Variants in PCDHGB5 observed in about 807,000 individuals in gnomAD.
PCDHGB5 encodes protocadherin gamma subfamily B, 5.
PCDHGB5 carries 48 observed loss-of-function variants against 62.9 expected under a neutral mutation model. That is an observed-to-expected ratio of 0.76 (90% CI 0.61 to 0.97). The LOEUF (loss-of-function observed/expected upper bound fraction) is 0.97, where lower values mean the gene tolerates loss of function less well. Ranked by LOEUF, PCDHGB5 falls within the 50% of genes least tolerant of loss-of-function variation. The probability of loss-of-function intolerance (pLI) is 0.00; values close to 1 mark genes in which losing one functional copy is unlikely to be tolerated. For synonymous variants in PCDHGB5, 474 were observed against 511.2 expected (o/e 0.93, Z 0.98); for missense variants, 1,118 against 1,198.6 (o/e 0.93, Z 0.99).
Position 141,422,444 on chromosome 5 carries a change from T to TA in PCDHGB5, c.2397+21922dup, listed in dbSNP as rs1171104340. 1.9e-6 allele frequency: 3 copies of TA among 1,610,490 alleles called. No homozygotes were observed. The Admixed American group carries it at 5.1e-5, about 27-fold the overall frequency. ...ACTTATGGAAATTATTACAAATTGA[T>TA]AACAAGCAGAGTGCTGGACAGGGAG... On this transcript the variant is annotated intron_variant, in intron 1 of 3. Coordinates refer to ENST00000617380, the MANE Select transcript of PCDHGB5 (RefSeq NM_018925.3).
At chr5:141,483,076 C>A (rs964178941) in intron 1 of PCDHGB5, among the ~76,000 whole-genome samples, 8 of 152,044 alleles carry the variant, frequency 5.3e-5, no homozygotes, top group Non-Finnish European at 8.8e-5. Context: ...CAGAGAGAGA[C>A]TCCATCTCAA....
rs374857095 is a variant in PCDHGB5, at chr5:141,409,142, A to G, written c.2397+8618A>G. 6 of 1,613,904 alleles carry G rather than the reference A, an allele frequency of 3.7e-6. No individual in the cohort carries two copies. In the African/African-American group the frequency reaches 6.7e-5, roughly 18 times the overall value. ...GTCATTTGATTTTGAAGATGTAGAA[A>G]GGTACACCATGGAAGTGGAAGCGAA... is the stretch of plus-strand genomic sequence containing the variant. On this transcript the variant is annotated intron_variant, in intron 1 of 3. Coordinates refer to ENST00000617380, the MANE Select transcript of PCDHGB5 (RefSeq NM_018925.3).
chr5:141,454,101 A>T (rs2098781558), intron 1 of PCDHGB5, among the ~76,000 whole-genome samples: 1 of 152,256 alleles, frequency 6.6e-6, no homozygotes. Flanking sequence ...ATTGAACATA[A>T]ATGGAGTTAT....
chr5:141,416,828 C>T (rs1014962852), intron 1 of PCDHGB5: 2 of 152,042 alleles, frequency 1.3e-5, no homozygotes, highest in African/African-American at 4.8e-5. Context: ...CGAAGTTTCT[C>T]AAGACCCTTA....
intron 1 of PCDHGB5, chr5:141,423,111 T>C (rs1394665462): frequency 3.1e-6 from 5 of 1,613,718 alleles, no homozygotes; most frequent in South Asian, 1.1e-5. Flanking sequence ...GCGAGGTGCG[T>C]ACAGCGCGGG....
In PCDHGB5 at chr5:141,400,208, T is replaced by G; in HGVS notation, c.2081T>G (p.Leu694Trp). Residue 694 changes from leucine (L) to tryptophan (W), a missense_variant, in exon 1 of 4, where the codon TTG becomes TGG. Physicochemically the swap from Leu to Trp is moderately conservative, Grantham distance 61. Around this residue, in one of 2 missense-constraint regions of PCDHGB5, gnomAD observed 1,034 missense variants for 1,029.1 expected, o/e 1.00. Transcript: ENST00000617380. ...TTTTACCTAGTGGTGGCCTTGGCCT[T>G]GATCTCAGTGCTCTTCCTCCTGGCC... ...LQFYLVVALA[L>W]ISVLFLLAVI... The G allele has an allele frequency of 6.2e-7, 1 of 1,614,042 alleles. No individual in the cohort carries two copies. Among genetic ancestry groups the G allele is most frequent in the South Asian group, 1.1e-5 (1 of 91,088 alleles).
chr5:141,499,073 G>T (rs2099789305), intron 2 of PCDHGB5, among the ~76,000 whole-genome samples: 1 of 152,064 alleles, frequency 6.6e-6, no homozygotes, highest in Admixed American at 6.5e-5. Flanking sequence ...CTTACATTCT[G>T]AAGTTCCTGC....
At chr5:141,452,227 T>C (rs2098736376) in intron 1 of PCDHGB5, among the ~76,000 whole-genome samples, 1 of 152,232 alleles carries the variant, frequency 6.6e-6, no homozygotes, top group African/African-American at 2.4e-5. Context: ...CTCTTCAAGC[T>C]GGTTCTTGTG....
chr5:141,419,454 T>A (rs1191326733), intron 1 of PCDHGB5: 1 of 1,612,786 alleles, frequency 6.2e-7, no homozygotes, highest in Non-Finnish European at 8.5e-7. Flanking sequence ...GAGCTCACGC[T>A]GCAGGCCCGC....
intron 1 of PCDHGB5, chr5:141,415,500 C>G (rs754684999): frequency 6.2e-6 from 10 of 1,614,074 alleles, no homozygotes; most frequent in Non-Finnish European, 8.5e-6. Context: ...TGATCTTCCC[C>G]CAGCCCAATT....
chr5:141,431,256 C>T lies in PCDHGB5; in HGVS notation c.2397+30732C>T. The stretch of plus-strand genomic sequence containing the variant: ...TGGGATCCGGATATCGGGAAGAACT[C>T]TCTGCAGAGCTACGAGCTCAGCCCG... On this transcript the variant is annotated intron_variant, in intron 1 of 3. Transcript: ENST00000617380. This position sits in a 1 kb window ranked among gnomAD's most constrained non-coding sequence, Gnocchi z 4.8. The T allele has an allele frequency of 6.2e-7, 1 of 1,614,194 alleles. No homozygotes were observed. Among genetic ancestry groups the T allele is most frequent in the South Asian group, 1.1e-5 (1 of 91,088 alleles).
chr5:141,480,102 T>C (rs568342271), intron 1 of PCDHGB5, among the ~76,000 whole-genome samples: 1 of 152,320 alleles, frequency 6.6e-6, no homozygotes, highest in South Asian at 2.1e-4. Flanking sequence ...GCAAAGTGTT[T>C]AGCATGGTGC....
chr5:141,409,233 G>A, intron 1 of PCDHGB5: 2 of 1,614,008 alleles, frequency 1.2e-6, no homozygotes, highest in Non-Finnish European at 1.7e-6. Flanking sequence ...AACGACAACA[G>A]CCCAGAAATA....
chr5:141,459,300 A>T (rs954766370), intron 1 of PCDHGB5, among the ~76,000 whole-genome samples: 1 of 152,202 alleles, frequency 6.6e-6, no homozygotes, highest in Non-Finnish European at 1.5e-5. Flanking sequence ...ATCCTATAAC[A>T]TATACTATTT....
chr5:141,441,295 A>C (rs952946372), intron 1 of PCDHGB5: 3 of 152,240 alleles, frequency 2.0e-5, no homozygotes, highest in Non-Finnish European at 4.4e-5. Flanking sequence ...CACATGTCTG[A>C]TATAAGAAAA....
In PCDHGB5 at chr5:141,477,510, A is replaced by G; in HGVS notation, c.2398-17297A>G. On this transcript the variant is annotated intron_variant, in intron 1 of 3. Transcript: ENST00000617380. This position sits in a 1 kb window ranked among gnomAD's most constrained non-coding sequence, Gnocchi z 4.9. ...TCTTCTCAATCTTCCTACGACGTTT[A>G]CATTGAAGAAAACAACCTCCCCGGG... is the stretch of plus-strand genomic sequence containing the variant. 3 of 1,614,172 alleles carry G rather than the reference A, an allele frequency of 1.9e-6. No homozygotes were observed. Among genetic ancestry groups the G allele is most frequent in the Non-Finnish European group, 2.5e-6 (3 of 1,180,018 alleles).
chr5:141,399,627 C>T lies in PCDHGB5; in HGVS notation c.1500C>T (p.Tyr500=), dbSNP rs751717107. ...SDLEPLALAS[Y]VSMSAQSGVV... ...TAGAGCCTCTGGCACTGGCCTCTTA[C>T]GTGTCCATGAGCGCGCAAAGTGGGG... is the stretch of plus-strand genomic sequence containing the variant. The change falls in exon 1 of 4, where the codon TAC becomes TAT. Residue 500 remains tyrosine, a synonymous_variant. Transcript: ENST00000617380. The T allele has an allele frequency of 1.2e-6, 2 of 1,613,906 alleles. No homozygotes were observed. The highest frequency in any genetic ancestry group is 1.7e-6 in the Non-Finnish European group (2 of 1,179,886).
intron 1 of PCDHGB5, chr5:141,427,774 G>C: frequency 7.0e-7 from 1 of 1,420,908 alleles, no homozygotes; most frequent in Non-Finnish European, 9.8e-7. Context: ...TTGGAGCTGC[G>C]GGCACTGTCG....
At chr5:141,481,762 GC>G (rs1307001837) in intron 1 of PCDHGB5, among the ~76,000 whole-genome samples, 1 of 152,126 alleles carries the variant, frequency 6.6e-6, no homozygotes, top group Admixed American at 6.5e-5. Context: ...GACCAGCCTG[GC>G]CAACATGGTG....
Sources: gnomAD v4.1 joint callset for allele counts (sites outside exome capture counted in the v4.1 genomes callset) on GRCh38, gnomAD v4.1.1 for gene constraint, gnomAD v4.1.1 regional missense constraint, Gnocchi (gnomAD v3.1) non-coding constraint, MANE v1.5 for transcripts, NCBI Gene and HGNC (gene_info 2026-07-23, HGNC 2026-07-21) for gene names.